Variants in AUTS2 observed in about 807,000 individuals in gnomAD.
The protein encoded by AUTS2 is autism susceptibility gene 2 protein.
AUTS2 carries 17 observed loss-of-function variants against 112.4 expected under a neutral mutation model. That is an observed-to-expected ratio of 0.15 (90% confidence interval 0.10 to 0.23). The LOEUF (loss-of-function observed/expected upper bound fraction) is 0.23. Ranked by LOEUF, AUTS2 falls within the 10% of genes least tolerant of loss-of-function variation. The probability of loss-of-function intolerance (pLI) is 1.00; values close to 1 mark genes in which losing one functional copy is unlikely to be tolerated. For synonymous variants in AUTS2, 751 were observed against 702.7 expected, an observed-to-expected ratio of 1.07 and a Z score of -1.09; for missense variants, 1,510 against 1,701.6, an observed-to-expected ratio of 0.89 and a Z score of 1.98.
intron 2 of AUTS2, among the ~76,000 whole-genome samples, chr7:70,087,873 C>A (rs903452270): frequency 1.3e-5 from 2 of 152,118 alleles, no homozygotes; most frequent in African/African-American, 4.8e-5. Context: ...TTTTAAACTC[C>A]AAATTCAATT....
At chr7:70,159,622 CATGCCATGCA>C (rs1447837903) in intron 4 of AUTS2, among the ~76,000 whole-genome samples, 1 of 152,124 alleles carries the variant, frequency 6.6e-6, no homozygotes. Context: ...CCCAAAATGT[CATGCCATGCA>C]ATGCTGGGGG....
chr7:70,363,743 A>C (rs1557920), intron 4 of AUTS2, among the ~76,000 whole-genome samples: 14,695 of 152,124 alleles, frequency 0.097, 1,169 homozygotes, highest in African/African-American at 0.22. Flanking sequence ...GAATTCTGTA[A>C]TTTAAAAAAT....
intron 1 of AUTS2, among the ~76,000 whole-genome samples, chr7:69,764,595 A>G (rs73438151): frequency 0.01 from 1,553 of 152,220 alleles, 37 homozygotes; most frequent in African/African-American, 0.035. Flanking sequence ...GGGGAGGGAC[A>G]TATACAAAGA....
intron 1 of AUTS2, among the ~76,000 whole-genome samples, chr7:69,848,326 AG>A (rs1263234920): frequency 1.8e-4 from 27 of 152,228 alleles, no homozygotes; most frequent in African/African-American, 6.3e-4. Context: ...TGATGTATCC[AG>A]GCTTTTAATA....
At chr7:70,447,185 T>A (rs1796352457) in intron 5 of AUTS2, among the ~76,000 whole-genome samples, 1 of 152,208 alleles carries the variant, frequency 6.6e-6, no homozygotes, top group Admixed American at 6.5e-5. Context: ...CTGAGCCTGA[T>A]AGAGTCTCAT....
chr7:69,708,662 G>A (rs1426488582), intron 1 of AUTS2, among the ~76,000 whole-genome samples: 3 of 152,210 alleles, frequency 2.0e-5, no homozygotes, highest in South Asian at 2.1e-4. Context: ...GTATGCCATC[G>A]TGTGATGCCA....
At chr7:70,065,819 C>T (rs1433241841) in intron 2 of AUTS2, among the ~76,000 whole-genome samples, 2 of 152,186 alleles carry the variant, frequency 1.3e-5, no homozygotes, top group Non-Finnish European at 2.9e-5. Context: ...AATCCTCCCA[C>T]CTCAGCCTCT....
chr7:70,584,901 A>G (rs188548692), intron 5 of AUTS2, among the ~76,000 whole-genome samples: 1 of 152,380 alleles, frequency 6.6e-6, no homozygotes, highest in Admixed American at 6.5e-5. Flanking sequence ...TCACCCAGCC[A>G]GGAGCATGTA....
At chr7:70,432,815 C>CA (rs1795731512) in intron 4 of AUTS2, among the ~76,000 whole-genome samples, 1 of 152,198 alleles carries the variant, frequency 6.6e-6, no homozygotes, top group Admixed American at 6.5e-5. Flanking sequence ...TGGTGCGCTC[C>CA]TGCTGAGCTC....
chr7:70,517,106 A>G (rs1799446175), intron 5 of AUTS2, among the ~76,000 whole-genome samples: 1 of 152,230 alleles, frequency 6.6e-6, no homozygotes, highest in African/African-American at 2.4e-5. Flanking sequence ...CTTATGCAGC[A>G]TATCACACAG....
At chr7:69,991,291 G>A (rs1276217951) in intron 2 of AUTS2, among the ~76,000 whole-genome samples, 1 of 152,174 alleles carries the variant, frequency 6.6e-6, no homozygotes, top group African/African-American at 2.4e-5. Flanking sequence ...GTGTAGGAAA[G>A]CATTTCAGAA....
intron 2 of AUTS2, among the ~76,000 whole-genome samples, chr7:69,917,013 TTTTTG>T (rs1795605591): frequency 6.6e-6 from 1 of 152,186 alleles, no homozygotes; most frequent in Non-Finnish European, 1.5e-5. Flanking sequence ...CCCACACATT[TTTTTG>T]TTTTGTTTTG....
At chr7:70,647,804 C>T (rs1376562034) in intron 5 of AUTS2, among the ~76,000 whole-genome samples, 4 of 152,314 alleles carry the variant, frequency 2.6e-5, no homozygotes, top group South Asian at 2.1e-4. Flanking sequence ...GGACTGCATG[C>T]GCACATTTTG....
At chr7:70,026,727 A>G (rs1307449563) in intron 2 of AUTS2, among the ~76,000 whole-genome samples, 6 of 152,164 alleles carry the variant, frequency 3.9e-5, no homozygotes, top group Non-Finnish European at 8.8e-5. Flanking sequence ...AGACATTAAT[A>G]TATTCTTCTT....
chr7:70,642,701 TG>T (rs1269772916), intron 5 of AUTS2, among the ~76,000 whole-genome samples: 1 of 152,240 alleles, frequency 6.6e-6, no homozygotes, highest in African/African-American at 2.4e-5. Flanking sequence ...GTCAACTTTT[TG>T]TGCATCTGAG....
chr7:70,351,265 G>A (rs1004749352), intron 4 of AUTS2, among the ~76,000 whole-genome samples: 2 of 151,998 alleles, frequency 1.3e-5, no homozygotes, highest in East Asian at 1.9e-4. Context: ...TGTAGGCCAG[G>A]CTGGTCTCGA....
chr7:69,941,159 C>G (rs755077658), intron 2 of AUTS2, among the ~76,000 whole-genome samples: 8 of 152,118 alleles, frequency 5.3e-5, no homozygotes, highest in Non-Finnish European at 8.8e-5. Context: ...TCGACCCTCT[C>G]GATGTGGTAC....
chr7:69,688,199 T>A (rs537870387), intron 1 of AUTS2, among the ~76,000 whole-genome samples: 1 of 152,354 alleles, frequency 6.6e-6, no homozygotes, highest in African/African-American at 2.4e-5. Flanking sequence ...GGTGACCAAT[T>A]TGAAATGAAT....
At chr7:70,165,895 G>A (rs1334792938) in intron 4 of AUTS2, among the ~76,000 whole-genome samples, 2 of 152,142 alleles carry the variant, frequency 1.3e-5, no homozygotes, top group African/African-American at 4.8e-5. Context: ...CCCACGTGTT[G>A]GAGGAAGGGC....
Sources: allele counts gnomAD v4.1 joint callset (sites outside exome capture counted in the v4.1 genomes callset), GRCh38; gene constraint gnomAD v4.1.1; transcripts MANE v1.5; gene names NCBI Gene and HGNC (gene_info 2026-07-23, HGNC 2026-07-21).